MAP3K13: variants seen among roughly 807,000 people sequenced by gnomAD.
MAP3K13 encodes mitogen-activated protein kinase kinase kinase 13, also known as leucine zipper-bearing kinase.
A neutral mutation model predicts 104.0 loss-of-function variants in MAP3K13; 52 were observed. The ratio of observed to expected loss-of-function variants is 0.50; its 90% CI spans 0.40 to 0.63. MAP3K13 has a LOEUF of 0.63. MAP3K13 is among the 20% of genes least tolerant of loss of function. The pLI, the probability that MAP3K13 is intolerant of heterozygous loss-of-function variation, is 0.00. For missense variants in MAP3K13, 914 were observed against 1,218.5 expected (o/e 0.75, Z 3.72); for synonymous variants, 394 against 442.2 (o/e 0.89, Z 1.37).
intron 2 of MAP3K13, among the ~76,000 whole-genome samples, chr3:185,319,238 C>T (rs1721777817): frequency 6.6e-6 from 1 of 152,108 alleles, no homozygotes; most frequent in Admixed American, 6.6e-5. Context: ...ACAGAATTTC[C>T]TAGCAGATGA....
intron 2 of MAP3K13, among the ~76,000 whole-genome samples, chr3:185,347,780 G>C (rs997272031): frequency 6.6e-6 from 1 of 152,004 alleles, no homozygotes; most frequent in Admixed American, 6.6e-5. Context: ...AAGTCGAGGC[G>C]GGTGGATCAC....
At chr3:185,359,093 A>G (rs1365849775), upstream of MAP3K13, among the ~76,000 whole-genome samples, 1 of 152,218 alleles carries the variant, frequency 6.6e-6, no homozygotes, top group Non-Finnish European at 1.5e-5. Context: ...GCAATTTACA[A>G]AAGAAAGAGG....
intron 7 of MAP3K13, among the ~76,000 whole-genome samples, chr3:185,455,193 T>TATATATGATATATATGAG (rs1311574338): frequency 1.0e-4 from 9 of 87,032 alleles, no homozygotes; most frequent in African/African-American, 4.0e-4. Flanking sequence ...ATATATGAGA[T>TATATATGATATATATGAG]ATATATATGA....
At position 185,437,470 on chromosome 3, in the gene MAP3K13, G is replaced by A. The variant is rs768301368; in HGVS notation, c.499G>A (p.Glu167Lys). 1.3e-5 allele frequency: 21 copies of A among 1,613,364 alleles called. No homozygotes were observed. The South Asian group carries it at 2.3e-4, about 18-fold the overall frequency. The change falls in exon 3 of 14, where the codon GAG becomes AAG. Residue 167 changes from glutamate (E) to lysine (K), a missense_variant. Glu to Lys is a moderately conservative substitution (Grantham distance 56, BLOSUM62 1). Transcript: ENST00000265026. ...QQDTWEVPFEEISELQWLGSG... is the reference protein window; with the variant it reads ...QQDTWEVPFEKISELQWLGSG... ...AGATACTTGGGAAGTGCCATTTGAG[G>A]AGATCTCAGAGCTGCAGTGGCTGGG... is the stretch of plus-strand genomic sequence containing the variant.
intron 1 of MAP3K13, among the ~76,000 whole-genome samples, chr3:185,390,517 A>G (rs1359025851): frequency 1.3e-5 from 2 of 152,084 alleles, no homozygotes; most frequent in Non-Finnish European, 2.9e-5. Context: ...ACCCTTAGAG[A>G]ATAGTTTATT....
chr3:185,441,539 T>C (rs1200204734), intron 3 of MAP3K13, among the ~76,000 whole-genome samples: 1 of 152,126 alleles, frequency 6.6e-6, no homozygotes, highest in African/African-American at 2.4e-5. Context: ...TCTTTTTGGA[T>C]TGGAATAATT....
At chr3:185,455,996 A>C (rs1324271078) in intron 7 of MAP3K13, among the ~76,000 whole-genome samples, 1 of 147,838 alleles carries the variant, frequency 6.8e-6, no homozygotes, top group East Asian at 2.0e-4. Context: ...TATATATGAG[A>C]TATATATGAG....
intron 1 of MAP3K13, among the ~76,000 whole-genome samples, chr3:185,385,963 G>A (rs1472805452): frequency 1.3e-5 from 2 of 151,630 alleles, no homozygotes; most frequent in Admixed American, 6.6e-5. Flanking sequence ...GTATCACACC[G>A]CTGCATTCCA....
chr3:185,316,059 GATAGATAACTTCAC>G (rs1419707716), intron 2 of MAP3K13, among the ~76,000 whole-genome samples: 2 of 152,140 alleles, frequency 1.3e-5, no homozygotes, highest in East Asian at 3.9e-4. Flanking sequence ...TTTACTGTTT[GATAGATAACTTCAC>G]ATAAAAACCT....
intron 1 of MAP3K13, among the ~76,000 whole-genome samples, chr3:185,426,876 A>G (rs1261499094): frequency 6.6e-6 from 1 of 152,102 alleles, no homozygotes; most frequent in Admixed American, 6.5e-5. Flanking sequence ...GTGCTCTCAG[A>G]GCACTTACTT....
At chr3:185,422,561 G>C (rs745976906) in intron 1 of MAP3K13, among the ~76,000 whole-genome samples, 1 of 152,152 alleles carries the variant, frequency 6.6e-6, no homozygotes, top group African/African-American at 2.4e-5. Context: ...CTAACTTTCT[G>C]TGTATGAGCC....
At chr3:185,285,585 T>G (rs1319557635) in exon 2 of MAP3K13, 13 of 1,530,956 alleles carry the variant, frequency 8.5e-6, no homozygotes, top group Non-Finnish European at 1.1e-5. Context: ...GGACCATTAA[T>G]GGACAAAAAC....
chr3:185,330,982 T>C (rs1483329418), intron 2 of MAP3K13, among the ~76,000 whole-genome samples: 1 of 152,008 alleles, frequency 6.6e-6, no homozygotes, highest in Admixed American at 6.6e-5. Context: ...TTCATTCGGG[T>C]CTCTATTCAA....
Position 185,454,735 on chromosome 3 carries a change from ATATATATATCATATATAT to A in MAP3K13, c.1278+3341_1278+3358del, listed in dbSNP as rs1246732210. On this transcript the variant is annotated intron_variant, in intron 7 of 13. Transcript: ENST00000265026. ...ATATGAGATATATATGATATATATG[ATATATATATCATATATAT>A]GAGATATATATGACATATATATGAG... is the stretch of plus-strand genomic sequence containing the variant. Among the ~76,000 whole-genome samples, 77 of 14,408 alleles carry A rather than the reference ATATATATATCATATATAT, an allele frequency of 5.3e-3. 12 individuals carry two copies. Among genetic ancestry groups the A allele is most frequent in the South Asian group, 0.013 (3 of 230 alleles). 9.5% of individuals were successfully genotyped at this position (14,408 alleles called of 152,430 possible). A position where few individuals can be genotyped will look rare whatever the true frequency, so the allele number is the denominator to read the frequency against.
intron 1 of MAP3K13, among the ~76,000 whole-genome samples, chr3:185,369,159 T>C (rs1207409627): frequency 6.6e-6 from 1 of 152,178 alleles, no homozygotes; most frequent in Non-Finnish European, 1.5e-5. Flanking sequence ...AGTAAGTAAG[T>C]AAATTATGTT....
intron 2 of MAP3K13, among the ~76,000 whole-genome samples, chr3:185,304,266 C>A (rs1721204851): frequency 6.6e-6 from 1 of 152,138 alleles, no homozygotes; most frequent in South Asian, 2.1e-4. Context: ...GTTCCATATG[C>A]CCTTGAGAAG....
intron 11 of MAP3K13, among the ~76,000 whole-genome samples, chr3:185,474,906 C>G (rs925271158): frequency 6.6e-6 from 1 of 151,952 alleles, no homozygotes. Flanking sequence ...ACCAGCCTGG[C>G]CAGCATGGTG....
chr3:185,477,501 C>T, intron 12 of MAP3K13, 105 bp downstream of exon 12: 1 of 814,404 alleles, frequency 1.2e-6, no homozygotes, highest in Admixed American at 2.1e-5. Context: ...TGGCAGCCAC[C>T]TTATAGGGAA....
intron 5 of MAP3K13, 101 bp downstream of exon 5, chr3:185,448,048 A>G: frequency 7.8e-7 from 1 of 1,280,130 alleles, no homozygotes; most frequent in Non-Finnish European, 1.1e-6. Context: ...AATATTCTTC[A>G]GTGTTGCTCA....
Sources: allele counts gnomAD v4.1 joint callset (sites outside exome capture counted in the v4.1 genomes callset), GRCh38; gene constraint gnomAD v4.1.1; transcripts MANE v1.5; gene names NCBI Gene and HGNC (gene_info 2026-07-23, HGNC 2026-07-21).